The following SPOCK2 variants were observed in gnomAD, a reference collection of about 807,000 sequenced individuals.
The protein encoded by SPOCK2 is testican-2.
In SPOCK2, 39 loss-of-function variants were observed where a neutral mutation model predicts 60.1. That is an observed-to-expected ratio of 0.65 (90% CI 0.50 to 0.85). The LOEUF is 0.85. SPOCK2 is among the 40% of genes least tolerant of loss of function. The pLI is 0.00. For missense variants in SPOCK2, 523 were observed against 567.4 expected (o/e 0.92, Z 0.80); for synonymous variants, 217 against 231.5 (o/e 0.94, Z 0.57).
intron 1 of SPOCK2, among the ~76,000 whole-genome samples, chr10:72,078,630 A>G (rs1267054486): frequency 6.6e-6 from 1 of 152,186 alleles, no homozygotes; most frequent in Non-Finnish European, 1.5e-5. Flanking sequence ...AAGAAATTCC[A>G]TCTTCTCTTG....
intron 1 of SPOCK2, chr10:72,086,715 C>T (rs966383277): frequency 7.3e-7 from 1 of 1,375,644 alleles, no homozygotes; most frequent in South Asian, 1.4e-5. Context: ...CATCGCGGGG[C>T]CCGGCCACTC....
At chr10:72,069,563 G>A (rs1840617383) in intron 5 of SPOCK2, among the ~76,000 whole-genome samples, 1 of 148,038 alleles carries the variant, frequency 6.8e-6, no homozygotes, top group Non-Finnish European at 1.5e-5. Context: ...TCGAACTCCT[G>A]GCATCCCCCT....
chr10:72,072,720 C>T (rs1451472142), intron 2 of SPOCK2, 172 bp from the exon 3 acceptor site: 4 of 1,331,912 alleles, frequency 3.0e-6, no homozygotes, highest in Non-Finnish European at 4.2e-6. Context: ...CCCCACACCT[C>T]TATCCCTATA....
At chr10:72,082,338 G>A (rs530091152) in intron 1 of SPOCK2, among the ~76,000 whole-genome samples, 4 of 152,252 alleles carry the variant, frequency 2.6e-5, no homozygotes, top group African/African-American at 9.6e-5. Flanking sequence ...CATAGGCCTG[G>A]GCATACATTT....
intron 1 of SPOCK2, among the ~76,000 whole-genome samples, chr10:72,085,011 A>G (rs1840836482): frequency 6.6e-6 from 1 of 152,204 alleles, no homozygotes; most frequent in Non-Finnish European, 1.5e-5. Context: ...AAGAAGAAAG[A>G]GAACAGTCAG....
At position 72,087,251 on chromosome 10, in the gene SPOCK2, T is replaced by C. The variant is rs1489637269; in HGVS notation, c.189+889A>G. On this transcript the variant is annotated intron_variant, in intron 1 of 10. Transcript: ENST00000373109. The surrounding 1 kb of genome is among the most constrained non-coding windows in gnomAD (Gnocchi z 4.7). ...GGGCCGCCGCCTGCGACTTCCCCTC[T>C]GATCCACAGGTGCCGGTAAACAAAA... Among the ~76,000 whole-genome samples the C allele has an allele frequency of 6.6e-6, 1 of 151,476 alleles. No individual in the cohort carries two copies. Among genetic ancestry groups the C allele is most frequent in the Admixed American group, 6.6e-5 (1 of 15,248 alleles).
At chr10:72,083,774 A>ATTG (rs753097468) in intron 1 of SPOCK2, among the ~76,000 whole-genome samples, 31 of 152,082 alleles carry the variant, frequency 2.0e-4, no homozygotes, top group African/African-American at 5.3e-4. Context: ...TCAAACCCCA[A>ATTG]TTGTTGTTGT....
intron 1 of SPOCK2, chr10:72,086,276 T>C: frequency 2.0e-6 from 2 of 987,552 alleles, no homozygotes; most frequent in Non-Finnish European, 2.4e-6. Context: ...GGGGAAGTGG[T>C]TGGCACCAAT....
chr10:72,075,935 G>A (rs888672657), intron 1 of SPOCK2, among the ~76,000 whole-genome samples: 2 of 152,208 alleles, frequency 1.3e-5, no homozygotes, highest in African/African-American at 2.4e-5. Flanking sequence ...GGGGCTCAGT[G>A]CCTATCTCCC....
intron 5 of SPOCK2, 137 bp from the exon 6 acceptor site, chr10:72,068,438 C>T: frequency 1.2e-6 from 1 of 862,734 alleles, no homozygotes; most frequent in Non-Finnish European, 1.8e-6. Flanking sequence ...CTGAAGGGTC[C>T]TCTTGGTTCC....
Position 72,072,565 on chromosome 10 carries a change from G to A in SPOCK2, c.199-17C>T. On this transcript the variant is annotated splice_polypyrimidine_tract_variant and intron_variant, in intron 2 of 10. Transcript: ENST00000373109. The stretch of plus-strand genomic sequence containing the variant: ...ATAGTCATCCTAGAGGACAGAGAGG[G>A]ACAAGGGAGAAGGGAAAGGCTAAGA... 6.2e-7 allele frequency: 1 copy of A among 1,613,898 alleles called. No individual in the cohort carries two copies. Among genetic ancestry groups the A allele is most frequent in the Non-Finnish European group, 8.5e-7 (1 of 1,179,992 alleles).
At chr10:72,075,891 G>A (rs1245566) in intron 1 of SPOCK2, among the ~76,000 whole-genome samples, 90,942 of 151,998 alleles carry the variant, frequency 0.6, 27,823 homozygotes, top group African/African-American at 0.74. Context: ...GGCTTCCCCC[G>A]ACCAGTGCAC....
chr10:72,067,477 G>T, intron 7 of SPOCK2, 136 bp downstream of exon 7: 2 of 1,456,720 alleles, frequency 1.4e-6, no homozygotes, highest in Non-Finnish European at 1.8e-6. Context: ...TGGGGTGAAG[G>T]TTCTTTTGGG....
intron 1 of SPOCK2, among the ~76,000 whole-genome samples, chr10:72,076,143 G>A (rs1840712538): frequency 6.6e-6 from 1 of 152,154 alleles, no homozygotes; most frequent in Non-Finnish European, 1.5e-5. Flanking sequence ...GAGACCAGAA[G>A]GGATACGAGG....
chr10:72,086,790 C>T, intron 1 of SPOCK2: 1 of 1,504,098 alleles, frequency 6.6e-7, no homozygotes, highest in Non-Finnish European at 8.9e-7. Context: ...GCCAGTTTGA[C>T]TTTGGGGAGA....
chr10:72,082,534 G>A (rs1181562583), intron 1 of SPOCK2, among the ~76,000 whole-genome samples: 1 of 151,984 alleles, frequency 6.6e-6, no homozygotes, highest in Admixed American at 6.6e-5. Flanking sequence ...TCAGGGTAGG[G>A]CCCTCATGAT....
Position 72,087,474 on chromosome 10 carries a change from G to A in SPOCK2, c.189+666C>T, listed in dbSNP as rs1448590541. Among the ~76,000 whole-genome samples, 1 of 152,136 alleles carries A rather than the reference G, an allele frequency of 6.6e-6. No homozygotes were observed. The highest frequency in any genetic ancestry group is 1.9e-4 in the East Asian group (1 of 5,164). ...GGCTGGATTCCCCCCTGAAATGTTGGTCCGGGAAAACCAGCCTGGGTCCTC... is the reference window on the plus strand; with the variant it reads ...GGCTGGATTCCCCCCTGAAATGTTGATCCGGGAAAACCAGCCTGGGTCCTC... On this transcript the variant is annotated intron_variant, in intron 1 of 10. Coordinates refer to ENST00000373109, the MANE Select transcript of SPOCK2 (RefSeq NM_001244950.2). This position sits in a 1 kb window ranked among gnomAD's most constrained non-coding sequence, Gnocchi z 4.7.
intron 1 of SPOCK2, among the ~76,000 whole-genome samples, chr10:72,085,246 C>T (rs1840839144): frequency 6.6e-6 from 1 of 152,126 alleles, no homozygotes; most frequent in Non-Finnish European, 1.5e-5. Flanking sequence ...ATCTGTAGGC[C>T]AGGGAGCCAG....
intron 1 of SPOCK2, among the ~76,000 whole-genome samples, chr10:72,080,838 T>C (rs1840774047): frequency 6.6e-6 from 1 of 151,994 alleles, no homozygotes; most frequent in African/African-American, 2.4e-5. Flanking sequence ...GGCTCAGGTA[T>C]GCCTGCGCCA....
Sources: gnomAD v4.1 joint callset for allele counts (sites outside exome capture counted in the v4.1 genomes callset) on GRCh38, gnomAD v4.1.1 for gene constraint, Gnocchi (gnomAD v3.1) non-coding constraint, MANE v1.5 for transcripts, NCBI Gene and HGNC (gene_info 2026-07-23, HGNC 2026-07-21) for gene names.